Variants in NCKAP5 observed in about 807,000 individuals in gnomAD.
NCKAP5 encodes NCK associated protein 5.
A neutral mutation model predicts 167.0 loss-of-function variants in NCKAP5; 92 were observed. That is an observed-to-expected ratio of 0.55 (90% CI 0.47 to 0.66). NCKAP5 has a LOEUF of 0.66. Among genes scored for constraint, NCKAP5 ranks in the 30% least tolerant of loss-of-function variants. The probability of loss-of-function intolerance (pLI) is 0.00; values close to 1 mark genes in which losing one functional copy is unlikely to be tolerated. For missense variants in NCKAP5, 2,378 were observed against 2,315.0 expected, an observed-to-expected ratio of 1.03 and a Z score of -0.56; for synonymous variants, 891 against 877.4, an observed-to-expected ratio of 1.02 and a Z score of -0.27.
intron 19 of NCKAP5, among the ~76,000 whole-genome samples, chr2:132,680,304 C>T (rs77387190): frequency 0.024 from 3,603 of 152,252 alleles, 143 homozygotes; most frequent in African/African-American, 0.081. Flanking sequence ...TGGGGGCACT[C>T]TGTTTTCTTA....
chr2:133,587,967 C>T, the NCKAP5 span, among the ~76,000 whole-genome samples: 1 of 151,998 alleles, frequency 6.6e-6, no homozygotes, highest in East Asian at 1.9e-4. Context: ...GAGGTTTAAT[C>T]AGTTTAATGA....
At chr2:133,410,237 T>TA (rs1353714383) in intron 3 of NCKAP5, among the ~76,000 whole-genome samples, 3 of 152,226 alleles carry the variant, frequency 2.0e-5, no homozygotes, top group African/African-American at 7.2e-5. Flanking sequence ...ACACGTAAGA[T>TA]AATAAACATA....
rs530467061 is a variant in NCKAP5, at chr2:132,934,587, TG to T, written c.579+29132del. On this transcript the variant is annotated intron_variant, in intron 8 of 19. Coordinates refer to ENST00000409261, the MANE Select transcript of NCKAP5 (RefSeq NM_207363.3). ...ACTCTGTCTCGAACAAAGAAAATTTTGTAAAAAAGTAAACGATGACCCCACA... is the reference window on the plus strand; with the variant it reads ...ACTCTGTCTCGAACAAAGAAAATTTTTAAAAAAGTAAACGATGACCCCACA... Among the ~76,000 whole-genome samples the T allele has an allele frequency of 7.6e-3, 1,153 of 152,142 alleles. 4 individuals are homozygous for T. The highest frequency in any genetic ancestry group is 0.026 in the African/African-American group (1,083 of 41,518).
At chr2:132,907,406 A>C (rs1281447469) in intron 8 of NCKAP5, among the ~76,000 whole-genome samples, 1 of 152,208 alleles carries the variant, frequency 6.6e-6, no homozygotes, top group Admixed American at 6.5e-5. Flanking sequence ...CTTCTCAAAA[A>C]TTTAGAGTCC....
chr2:132,780,336 G>A (rs1682921432), intron 15 of NCKAP5, among the ~76,000 whole-genome samples: 1 of 152,124 alleles, frequency 6.6e-6, no homozygotes, highest in Admixed American at 6.5e-5. Context: ...TATTTTAATA[G>A]AGACGGGGTT....
intron 3 of NCKAP5, among the ~76,000 whole-genome samples, chr2:133,491,451 G>A (rs776269795): frequency 6.6e-5 from 10 of 152,206 alleles, no homozygotes; most frequent in South Asian, 4.2e-4. Flanking sequence ...GTCCAACAGC[G>A]TCACCAAGGT....
intron 3 of NCKAP5, among the ~76,000 whole-genome samples, chr2:133,360,154 G>A (rs1157623097): frequency 6.6e-6 from 1 of 152,116 alleles, no homozygotes; most frequent in Admixed American, 6.5e-5. Flanking sequence ...GCTAATTTCA[G>A]GATCATGATT....
chr2:132,962,652 G>A (rs888634896), intron 8 of NCKAP5, among the ~76,000 whole-genome samples: 1 of 152,002 alleles, frequency 6.6e-6, no homozygotes, highest in Admixed American at 6.6e-5. Flanking sequence ...GTGCAGTGGC[G>A]CAATCTTGGC....
rs60864377 is a variant in NCKAP5 at position 132,721,013 on chromosome 2, C to CAAA, written c.5713+4611_5713+4613dup. On this transcript the variant is annotated intron_variant, in intron 19 of 19. Coordinates refer to ENST00000409261, the MANE Select transcript of NCKAP5 (RefSeq NM_207363.3). Reference sequence around the variant, plus strand: ...CTAGGTACACAGTGAGACTCCATCTCAAAAAAAAAAAAAATGCTGTGCACA... The same window carrying CAAA: ...CTAGGTACACAGTGAGACTCCATCTCAAAAAAAAAAAAAAAAATGCTGTGCACA... Among the ~76,000 whole-genome samples the CAAA allele has an allele frequency of 6.8e-3, 916 of 135,650 alleles. 9 individuals carry two copies. The highest frequency in any genetic ancestry group is 0.019 in the African/African-American group (687 of 36,840). The allele number at this position is 135,650 out of a possible 152,430, so 89.0% of individuals were successfully genotyped here. A position where few individuals can be genotyped will look rare whatever the true frequency, so the allele number is the denominator to read the frequency against.
chr2:133,590,173 A>G, the NCKAP5 span, among the ~76,000 whole-genome samples: 24 of 152,216 alleles, frequency 1.6e-4, no homozygotes, highest in Admixed American at 1.4e-3. Flanking sequence ...CCCTATCCTC[A>G]GCATCCTCCT....
Position 132,782,946 on chromosome 2 carries a change from G to A in NCKAP5, c.3865C>T (p.Pro1289Ser), listed in dbSNP as rs74870964. 1.2e-6 allele frequency: 2 copies of A among 1,614,024 alleles called. No individual in the cohort carries two copies. The highest frequency in any genetic ancestry group is 3.3e-4 in the Middle Eastern group (2 of 6,062). The change falls in exon 14 of 20, where the codon CCC becomes TCC. Residue 1289 changes from proline (P) to serine (S), a missense_variant. Pro to Ser is a moderately conservative substitution (Grantham distance 74, BLOSUM62 -1). Around this residue, in one of 3 missense-constraint regions of NCKAP5, gnomAD observed 1,325 missense variants for 1,274.5 expected, o/e 1.04. Coordinates refer to ENST00000409261, the MANE Select transcript of NCKAP5 (RefSeq NM_207363.3). ...STHSGDKPST[P>S]PIEGSGKVRT... ...ACTTTGCCTGACCCTTCGATGGGGG[G>A]CGTAGAAGGCTTGTCTCCTGAGTGT...
rs60111877 is a variant in NCKAP5, at chr2:133,308,079, ATTTTTTTTTTTT to A, written c.70-4981_70-4970del. Among the ~76,000 whole-genome samples, 258 of 89,406 alleles carry A rather than the reference ATTTTTTTTTTTT, an allele frequency of 2.9e-3. 3 individuals are homozygous for A. Among genetic ancestry groups the A allele is most frequent in the Non-Finnish European group, 4.1e-3 (183 of 45,034 alleles). 58.7% of individuals were successfully genotyped at this position (89,406 alleles called of 152,430 possible). A position where few individuals can be genotyped will look rare whatever the true frequency, so the allele number is the denominator to read the frequency against. ...ATATAGGGGAAGAAATTATTGTTCT[ATTTTTTTTTTTT>A]TTTTTTTTTTTTTTTGAGACGGAGT... On this transcript the variant is annotated intron_variant, in intron 3 of 19. Transcript: ENST00000409261.
intron 16 of NCKAP5, among the ~76,000 whole-genome samples, chr2:132,771,751 C>T (rs1414058993): frequency 2.0e-5 from 3 of 151,496 alleles, no homozygotes; most frequent in Non-Finnish European, 2.9e-5. Flanking sequence ...CGGCTCACTG[C>T]AATCTCTGCC....
intron 3 of NCKAP5, among the ~76,000 whole-genome samples, chr2:133,326,634 G>A (rs532789478): frequency 4.3e-4 from 63 of 146,132 alleles, no homozygotes; most frequent in African/African-American, 1.4e-3. Context: ...TGGAATTCTG[G>A]ACATTATGGT....
At chr2:132,990,020 C>T (rs2149296360) in intron 7 of NCKAP5, among the ~76,000 whole-genome samples, 1 of 152,202 alleles carries the variant, frequency 6.6e-6, no homozygotes, top group South Asian at 2.1e-4. Context: ...CTGTAAAGCA[C>T]CAAGCATATG....
chr2:133,580,554 T>C, the NCKAP5 span, among the ~76,000 whole-genome samples: 2 of 152,308 alleles, frequency 1.3e-5, no homozygotes, highest in South Asian at 2.1e-4. Flanking sequence ...AATGGAGTTA[T>C]GGTATAGTAT....
At chr2:132,929,268 GC>G (rs1696171895) in intron 8 of NCKAP5, among the ~76,000 whole-genome samples, 1 of 151,610 alleles carries the variant, frequency 6.6e-6, no homozygotes, top group Non-Finnish European at 1.5e-5. Flanking sequence ...TATTATGTAA[GC>G]CCAAAATAAG....
At chr2:132,802,059 T>C (rs1574270636) in intron 11 of NCKAP5, among the ~76,000 whole-genome samples, 2 of 152,196 alleles carry the variant, frequency 1.3e-5, no homozygotes, top group Non-Finnish European at 1.5e-5. Context: ...ATTACAGGCA[T>C]GAGCCACTGC....
chr2:132,814,007 C>T lies in NCKAP5; in HGVS notation c.808-17278G>A, dbSNP rs894517790. On this transcript the variant is annotated intron_variant, in intron 11 of 19. Coordinates refer to ENST00000409261, the MANE Select transcript of NCKAP5 (RefSeq NM_207363.3). Reference sequence around the variant, plus strand: ...GTGATGTGCACTCATCTGCATTTTACAGCTCAATGTCCTGGTTTTACTAGG... The same window carrying T: ...GTGATGTGCACTCATCTGCATTTTATAGCTCAATGTCCTGGTTTTACTAGG... 3.3e-5 allele frequency among the ~76,000 whole-genome samples: 5 copies of T among 152,208 alleles called. No homozygotes were observed. In the East Asian group the frequency reaches 7.7e-4, roughly 23 times the overall value.
Sources: gnomAD v4.1 joint callset for allele counts (sites outside exome capture counted in the v4.1 genomes callset) on GRCh38, gnomAD v4.1.1 for gene constraint, gnomAD v4.1.1 regional missense constraint, MANE v1.5 for transcripts, NCBI Gene and HGNC (gene_info 2026-07-23, HGNC 2026-07-21) for gene names.